The following KIF13A variants were observed in gnomAD, a reference collection of about 807,000 sequenced individuals.
KIF13A encodes kinesin-like protein KIF13A.
A neutral mutation model predicts 212.2 loss-of-function variants in KIF13A; 79 were observed. The observed-to-expected ratio is 0.37, with a 90% CI of 0.31 to 0.45. The LOEUF is 0.45. Ranked by LOEUF, KIF13A falls within the 20% of genes least tolerant of loss-of-function variation. The probability of loss-of-function intolerance (pLI) is 1.00; values close to 1 mark genes in which losing one functional copy is unlikely to be tolerated. For missense variants in KIF13A, 1,901 were observed against 2,209.0 expected, an observed-to-expected ratio of 0.86 and a Z score of 2.79; for synonymous variants, 789 against 808.6, an observed-to-expected ratio of 0.98 and a Z score of 0.41.
chr6:17,974,243 G>A (rs1780076797), intron 2 of KIF13A, among the ~76,000 whole-genome samples: 1 of 152,064 alleles, frequency 6.6e-6, no homozygotes, highest in African/African-American at 2.4e-5. Flanking sequence ...CAACATGCCC[G>A]GCTTTTTTGT....
At chr6:17,981,413 GT>G (rs1273523831) in intron 2 of KIF13A, among the ~76,000 whole-genome samples, 2 of 145,366 alleles carry the variant, frequency 1.4e-5, no homozygotes, top group Non-Finnish European at 3.0e-5. Flanking sequence ...TTTTAGTTTT[GT>G]TTTTCTTTTT....
intron 35 of KIF13A, among the ~76,000 whole-genome samples, 172 bp downstream of exon 35, chr6:17,774,843 G>A (rs1030867841): frequency 1.3e-5 from 2 of 151,586 alleles, no homozygotes; most frequent in Admixed American, 6.6e-5. Flanking sequence ...GAGTTGTGGA[G>A]AGAGTTATTT....
chr6:17,777,306 T>G lies in KIF13A; in HGVS notation c.4141A>C (p.Arg1381=). ...TGAACATTTGGTGTACTGAGGCTCCTCCGAATGTGCCGGGCTTTGGTGGAA... is the reference window on the plus strand; with the variant it reads ...TGAACATTTGGTGTACTGAGGCTCCGCCGAATGTGCCGGGCTTTGGTGGAA... The part of the protein sequence containing the change: ...ALSTKARHIR[R]SLSTPNVHNV... The change falls in exon 34 of 39, where the codon AGG becomes CGG. Residue 1381 remains arginine, a synonymous_variant. Transcript: ENST00000259711. This position sits in a 1 kb window ranked among gnomAD's most constrained non-coding sequence, Gnocchi z 4.4. 2 of 1,613,424 alleles carry G rather than the reference T, an allele frequency of 1.2e-6. No homozygotes were observed. The highest frequency in any genetic ancestry group is 1.7e-6 in the Non-Finnish European group (2 of 1,179,610).
In KIF13A at chr6:17,837,728, A is replaced by G; in HGVS notation, c.831-145T>C. 3 of 604,194 alleles carry G rather than the reference A, an allele frequency of 5.0e-6. No individual in the cohort carries two copies. Among genetic ancestry groups the G allele is most frequent in the Non-Finnish European group, 5.8e-6 (2 of 343,824 alleles). The allele number at this position is 604,194 out of a possible 1,614,324, so 37.4% of individuals were successfully genotyped here. ...GCACTTTGGGAGGCCAAGGTGGATG[A>G]ATCACTTGAGGCCAGGGGTTTGAGA... On this transcript the variant is annotated intron_variant, in intron 9 of 38. Transcript: ENST00000259711. The surrounding 1 kb of genome is among the most constrained non-coding windows in gnomAD (Gnocchi z 5.4).
At chr6:17,922,215 T>G (rs1185360634) in intron 2 of KIF13A, among the ~76,000 whole-genome samples, 1 of 152,104 alleles carries the variant, frequency 6.6e-6, no homozygotes, top group Non-Finnish European at 1.5e-5. Flanking sequence ...TCACAGTCCA[T>G]TCTCTAGAAG....
rs369520218 is a variant in KIF13A at position 17,957,591 on chromosome 6, A to C, written c.146+29463T>G. Among the ~76,000 whole-genome samples, 8 of 152,178 alleles carry C rather than the reference A, an allele frequency of 5.3e-5. No homozygotes were observed. In the East Asian group the frequency reaches 1.5e-3, roughly 29 times the overall value. On this transcript the variant is annotated intron_variant, in intron 2 of 38. Transcript: ENST00000259711. ...GAAGTTCCAGAAGCCCAGACTTGTGACTGATGTTTAAAACAGGGGGGCAGT... is the reference window on the plus strand; with the variant it reads ...GAAGTTCCAGAAGCCCAGACTTGTGCCTGATGTTTAAAACAGGGGGGCAGT...
At chr6:17,804,150 T>TCAAACAAACAAACAAA (rs60485477) in intron 20 of KIF13A, among the ~76,000 whole-genome samples, 1 of 150,628 alleles carries the variant, frequency 6.6e-6, no homozygotes, top group African/African-American at 2.4e-5. Context: ...AGACTCCGTC[T>TCAAACAAACAAACAAA]CAAACAAACA....
intron 2 of KIF13A, among the ~76,000 whole-genome samples, chr6:17,974,337 C>T (rs1027217794): frequency 1.3e-5 from 2 of 152,184 alleles, no homozygotes; most frequent in Non-Finnish European, 2.9e-5. Context: ...CTCGGCCTCC[C>T]AAAGTGCTAG....
chr6:17,969,336 T>C (rs1243920380), intron 2 of KIF13A, among the ~76,000 whole-genome samples: 4 of 152,194 alleles, frequency 2.6e-5, no homozygotes, highest in African/African-American at 9.6e-5. Flanking sequence ...CTCTAGTTAT[T>C]GGGGGCTGGC....
At chr6:17,954,675 G>GTTTA (rs974023710) in intron 2 of KIF13A, among the ~76,000 whole-genome samples, 1 of 151,888 alleles carries the variant, frequency 6.6e-6, no homozygotes, top group Admixed American at 6.6e-5. Flanking sequence ...TTTTGTTATT[G>GTTTA]TTTATATTGT....
intron 2 of KIF13A, among the ~76,000 whole-genome samples, chr6:17,977,690 TTTTA>T (rs1383696706): frequency 5.9e-5 from 9 of 152,092 alleles, no homozygotes; most frequent in South Asian, 2.1e-4. Flanking sequence ...ACTGATTTGT[TTTTA>T]TTTGTTTTTA....
rs919662363 is a variant in KIF13A at position 17,773,329 on chromosome 6, T to C, written c.4324+149A>G. ...AAATAAATCAAATAAGTGAATGTTA[T>C]ATGTTACATTCAATAACAGTTTTGT... On this transcript the variant is annotated intron_variant, in intron 36 of 38. Transcript: ENST00000259711. The surrounding 1 kb of genome is among the most constrained non-coding windows in gnomAD (Gnocchi z 4.2). 4 of 483,170 alleles carry C rather than the reference T, an allele frequency of 8.3e-6. No individual in the cohort carries two copies. Among genetic ancestry groups the C allele is most frequent in the African/African-American group, 7.7e-5 (4 of 51,678 alleles). The allele number at this position is 483,170 out of a possible 1,614,324, so 29.9% of individuals were successfully genotyped here.
intron 2 of KIF13A, among the ~76,000 whole-genome samples, chr6:17,986,397 C>T (rs1340065455): frequency 1.3e-5 from 2 of 152,138 alleles, no homozygotes; most frequent in Admixed American, 6.5e-5. Flanking sequence ...AATATGTTGC[C>T]ATCTAGTAAA....
At chr6:17,867,581 T>G (rs1769532183) in intron 4 of KIF13A, among the ~76,000 whole-genome samples, 1 of 152,226 alleles carries the variant, frequency 6.6e-6, no homozygotes. Context: ...GCTGTTATTA[T>G]TGCCTACAGC....
In KIF13A at chr6:17,764,756, G is replaced by A. The variant is rs1487166736; in HGVS notation, c.4772C>T (p.Thr1591Ile). ...VLEKEVSRSP[T>I]TSSITSGYFS... is the part of the protein sequence containing the mutation. ...GTAGCCACTGGTAATACTGCTGGTG[G>A]TAGGGCTACGGGACACTTCTTTCTC... Residue 1591 changes from threonine to isoleucine, a missense_variant, in exon 39 of 39, where the codon ACC (threonine) becomes ATC (isoleucine). Physicochemically the swap from Thr to Ile is moderately conservative, Grantham distance 89. Coordinates refer to ENST00000259711, the MANE Select transcript of KIF13A (RefSeq NM_022113.6). The surrounding 1 kb of genome is among the most constrained non-coding windows in gnomAD (Gnocchi z 5.1). 1 of 1,613,094 alleles carries A rather than the reference G, an allele frequency of 6.2e-7. No individual in the cohort carries two copies. Among genetic ancestry groups the A allele is most frequent in the Non-Finnish European group, 8.5e-7 (1 of 1,179,504 alleles).
At position 17,898,529 on chromosome 6, in the gene KIF13A, T is replaced by C. The variant is rs1405561472; in HGVS notation, c.147-349A>G. Among the ~76,000 whole-genome samples, 1 of 152,240 alleles carries C rather than the reference T, an allele frequency of 6.6e-6. No individual in the cohort carries two copies. Among genetic ancestry groups the C allele is most frequent in the Non-Finnish European group, 1.5e-5 (1 of 68,046 alleles). The stretch of plus-strand genomic sequence containing the variant: ...AAGATGCCACAATCCTTACTGCATG[T>C]GATTAAATATTTTTAAATCAATTTT... On this transcript the variant is annotated intron_variant, in intron 2 of 38. Coordinates refer to ENST00000259711, the MANE Select transcript of KIF13A (RefSeq NM_022113.6). The surrounding 1 kb of genome is among the most constrained non-coding windows in gnomAD (Gnocchi z 5.2).
intron 3 of KIF13A, among the ~76,000 whole-genome samples, chr6:17,877,794 C>T (rs1770707401): frequency 6.6e-6 from 1 of 151,838 alleles, no homozygotes; most frequent in Non-Finnish European, 1.5e-5. Flanking sequence ...AAAAATCCTC[C>T]CACCAAGAAC....
intron 28 of KIF13A, among the ~76,000 whole-genome samples, chr6:17,784,579 A>G (rs931650295): frequency 2.6e-5 from 4 of 152,214 alleles, no homozygotes; most frequent in East Asian, 3.8e-4. Flanking sequence ...CTGAATCAAC[A>G]TAACTAGGGA....
chr6:17,950,714 G>A (rs1043536219), intron 2 of KIF13A: 36 of 982,984 alleles, frequency 3.7e-5, no homozygotes, highest in Non-Finnish European at 4.2e-5. Context: ...CCTAAAAAAC[G>A]AAATATATGA....
Sources: gnomAD v4.1 joint callset for allele counts (sites outside exome capture counted in the v4.1 genomes callset) on GRCh38, gnomAD v4.1.1 for gene constraint, Gnocchi (gnomAD v3.1) non-coding constraint, MANE v1.5 for transcripts, NCBI Gene and HGNC (gene_info 2026-07-23, HGNC 2026-07-21) for gene names.